The following FAM217A variants were observed in gnomAD, a reference collection of about 807,000 sequenced individuals.
FAM217A encodes protein FAM217A.
In FAM217A, 13 loss-of-function variants were observed where a neutral mutation model predicts 18.5. The ratio of observed to expected loss-of-function variants is 0.70; its 90% CI spans 0.46 to 1.12. FAM217A has a LOEUF of 1.12. Ranked by LOEUF, FAM217A falls within the 50% of genes most tolerant of loss-of-function variation. The probability of loss-of-function intolerance (pLI) is 0.00; values close to 1 mark genes in which losing one functional copy is unlikely to be tolerated. For missense variants in FAM217A, 560 were observed against 575.4 expected (o/e 0.97, Z 0.27); for synonymous variants, 161 against 202.8 (o/e 0.79, Z 1.75).
chr6:4,078,452 A>C (rs1770011282), intron 1 of FAM217A, among the ~76,000 whole-genome samples: 2 of 152,186 alleles, frequency 1.3e-5, no homozygotes, highest in East Asian at 3.8e-4. Context: ...TAGGAGATTT[A>C]GTTTAGGTAG....
chr6:4,078,442 T>C (rs1478893399), intron 1 of FAM217A, among the ~76,000 whole-genome samples: 1 of 152,102 alleles, frequency 6.6e-6, no homozygotes, highest in Non-Finnish European at 1.5e-5. Flanking sequence ...TATGAAGAAA[T>C]AGGAGATTTA....
Position 4,068,558 on chromosome 6 carries a change from A to T in FAM217A, c.*138T>A. 1.1e-6 allele frequency: 1 copy of T among 898,160 alleles called. No individual in the cohort carries two copies. The highest frequency in any genetic ancestry group is 1.7e-6 in the Non-Finnish European group (1 of 602,594). 55.6% of individuals were successfully genotyped at this position (898,160 alleles called of 1,614,324 possible). ...CTCAGCAGTGCTTTTCACAAGTTCT[A>T]CTCCATATCACATCAAGCAACTGTT... On this transcript the variant is annotated 3_prime_UTR_variant, in exon 7 of 7. Transcript: ENST00000274673.
chr6:4,085,311 A>AATATATATATATATAT (rs10636236), intron 1 of FAM217A, among the ~76,000 whole-genome samples: 3 of 146,418 alleles, frequency 2.0e-5, no homozygotes, highest in Admixed American at 6.9e-5. Context: ...TGTAAAAAAA[A>AATATATATATATATAT]ATATATATAT....
At chr6:4,086,384 TG>T (rs1168462059) in intron 1 of FAM217A, among the ~76,000 whole-genome samples, 2 of 140,974 alleles carry the variant, frequency 1.4e-5, no homozygotes, top group African/African-American at 5.4e-5. Flanking sequence ...AGGCAGAGGT[TG>T]CAGTGAGCCG....
chr6:4,079,444 C>T, upstream of FAM217A: 1 of 357,090 alleles, frequency 2.8e-6, no homozygotes, highest in Non-Finnish European at 5.3e-6. Context: ...CGGGCCTTCT[C>T]GGGCCTTCTC....
intron 1 of FAM217A, 65 bp from the exon 2 acceptor site, chr6:4,077,513 G>A: frequency 1.5e-6 from 2 of 1,320,410 alleles, no homozygotes; most frequent in East Asian, 4.6e-5. Context: ...AAGAAAGTGT[G>A]AGTTTTGATT....
At chr6:4,076,765 G>A (rs1356094260) in intron 2 of FAM217A, among the ~76,000 whole-genome samples, 1 of 152,202 alleles carries the variant, frequency 6.6e-6, no homozygotes, top group Non-Finnish European at 1.5e-5. Flanking sequence ...CTACTCGGGA[G>A]GCTGAGGCAG....
upstream of FAM217A, chr6:4,079,821 G>A: frequency 2.9e-6 from 1 of 340,244 alleles, no homozygotes; most frequent in Non-Finnish European, 4.7e-6. Flanking sequence ...CAGGTCCGTC[G>A]TCGGCCTTTC....
chr6:4,069,585 T>G lies in FAM217A; in HGVS notation c.638A>C (p.Asp213Ala), dbSNP rs773637236. The G allele has an allele frequency of 6.2e-7, 1 of 1,614,136 alleles. No individual in the cohort carries two copies. The highest frequency in any genetic ancestry group is 1.1e-5 in the South Asian group (1 of 91,072). ...SDLSENEKTN[D>A]TLLSYFKKVD... ...CTTTTTAAAATAGCTGAGTAAAGTA[T>G]CATTTGTCTTCTCATTTTCTGATAA... is the stretch of plus-strand genomic sequence containing the variant. The change falls in exon 7 of 7, where the codon GAT becomes GCT. Residue 213 changes from aspartate (D) to alanine (A), a missense_variant. By Grantham distance (126) the Asp-to-Ala change is moderately radical. Coordinates refer to ENST00000274673, the MANE Select transcript of FAM217A (RefSeq NM_173563.3).
chr6:4,085,927 T>C (rs1561933764), intron 1 of FAM217A, among the ~76,000 whole-genome samples: 1 of 151,788 alleles, frequency 6.6e-6, no homozygotes, highest in Non-Finnish European at 1.5e-5. Flanking sequence ...CAGGGTAACA[T>C]AGCGAGACCC....
chr6:4,075,349 A>G (rs1769710628), intron 2 of FAM217A, among the ~76,000 whole-genome samples: 2 of 152,116 alleles, frequency 1.3e-5, no homozygotes, highest in East Asian at 3.9e-4. Context: ...ACATACATAA[A>G]TAAATAAAAT....
upstream of FAM217A, among the ~76,000 whole-genome samples, chr6:4,080,204 C>T (rs1031000992): frequency 2.0e-5 from 3 of 152,176 alleles, no homozygotes; most frequent in African/African-American, 7.2e-5. Flanking sequence ...ATCCCTGACT[C>T]CTGACTCTTT....
At chr6:4,086,966 T>C in intron 1 of FAM217A, 1 of 399,078 alleles carries the variant, frequency 2.5e-6, no homozygotes, top group East Asian at 3.6e-5. Context: ...TTCTTGGTAT[T>C]AGTTTGGATA....
At chr6:4,070,388 C>T (rs902918045) in intron 6 of FAM217A, among the ~76,000 whole-genome samples, 13 of 152,080 alleles carry the variant, frequency 8.5e-5, no homozygotes, top group African/African-American at 3.1e-4. Context: ...CTATGTTAGC[C>T]ACTGTGGTTT....
upstream of FAM217A, among the ~76,000 whole-genome samples, chr6:4,080,107 G>A (rs1248029357): frequency 6.6e-6 from 1 of 152,016 alleles, no homozygotes; most frequent in African/African-American, 2.4e-5. Context: ...ATGAGATCAC[G>A]GCCATGTCCC....
chr6:4,077,469 G>T (rs762829543), intron 1 of FAM217A, 21 bp from the exon 2 acceptor site: 2 of 1,540,942 alleles, frequency 1.3e-6, no homozygotes, highest in Non-Finnish European at 1.8e-6. Flanking sequence ...TGCGGGATAG[G>T]CACATTTATG....
upstream of FAM217A, among the ~76,000 whole-genome samples, chr6:4,082,811 T>C (rs980299655): frequency 6.6e-6 from 1 of 152,244 alleles, no homozygotes; most frequent in Non-Finnish European, 1.5e-5. Flanking sequence ...CTCCCATGTA[T>C]AAACACATGC....
chr6:4,083,702 C>T (rs1770457027), upstream of FAM217A, among the ~76,000 whole-genome samples: 1 of 152,080 alleles, frequency 6.6e-6, no homozygotes, highest in Admixed American at 6.5e-5. Flanking sequence ...CAGGCGCATG[C>T]CACCACGCCT....
In FAM217A at chr6:4,077,433, CT is replaced by C. The variant is rs769970458; in HGVS notation, c.-20del. 6.2e-7 allele frequency: 1 copy of C among 1,614,020 alleles called. No individual in the cohort carries two copies. The highest frequency in any genetic ancestry group is 1.1e-5 in the South Asian group (1 of 91,072). ...TCCCCATTTTGTTGTAGCTGTTGCT[CT>C]GTTTCCTTAAAATCCTACACAGATT... On this transcript the variant is annotated 5_prime_UTR_variant, in exon 2 of 7. Coordinates refer to ENST00000274673, the MANE Select transcript of FAM217A (RefSeq NM_173563.3).
Sources: gnomAD v4.1 joint callset for allele counts (sites outside exome capture counted in the v4.1 genomes callset) on GRCh38, gnomAD v4.1.1 for gene constraint, MANE v1.5 for transcripts, NCBI Gene and HGNC (gene_info 2026-07-23, HGNC 2026-07-21) for gene names.